Variants in SOX6 observed in about 807,000 individuals in gnomAD.
The protein encoded by SOX6 is SRY-box transcription factor 6, also known as transcription factor SOX-6.
SOX6 carries 11 observed loss-of-function variants against 97.8 expected under a neutral mutation model. The observed-to-expected ratio is 0.11, with a 90% CI of 0.07 to 0.19. The LOEUF is 0.19. Ranked by LOEUF, SOX6 falls within the 10% of genes least tolerant of loss-of-function variation. The pLI is 1.00. For missense variants in SOX6, 810 were observed against 1,039.5 expected (o/e 0.78, Z 3.04); for synonymous variants, 360 against 371.4 (o/e 0.97, Z 0.35).
At chr11:16,117,822 G>T (rs1445553244) in intron 6 of SOX6, among the ~76,000 whole-genome samples, 1 of 152,106 alleles carries the variant, frequency 6.6e-6, no homozygotes, top group Non-Finnish European at 1.5e-5. Context: ...TTGGTGACAT[G>T]CCAGGAAAGG....
rs116202397 is a variant in SOX6 at position 16,485,230 on chromosome 11, A to G, written n.610-8842T>C. Among the ~76,000 whole-genome samples the G allele has an allele frequency of 8.5e-3, 1,293 of 152,308 alleles. 21 individuals are homozygous for G. Among genetic ancestry groups the G allele is most frequent in the African/African-American group, 0.028 (1,179 of 41,572 alleles). On this transcript the variant is annotated intron_variant and non_coding_transcript_variant, in intron 4 of 5. Coordinates refer to the SOX6 transcript ENST00000524520. ...TACTGCTCTCCTGAAAGAATAATTC[A>G]ATAAGAGCTATCTATGAACAAAGGT...
intron 12 of SOX6, among the ~76,000 whole-genome samples, chr11:16,045,673 T>G (rs914720386): frequency 3.3e-5 from 5 of 152,120 alleles, no homozygotes; most frequent in African/African-American, 1.2e-4. Context: ...GCTGGTCTAA[T>G]CCTCCAAGGG....
At chr11:16,136,210 G>C (rs1208566101) in intron 6 of SOX6, among the ~76,000 whole-genome samples, 1 of 151,832 alleles carries the variant, frequency 6.6e-6, no homozygotes, top group Admixed American at 6.6e-5. Flanking sequence ...AGTAGAGACG[G>C]GGTTTCACCA....
At position 16,610,164 on chromosome 11, in the gene SOX6, C is replaced by T. The variant is rs750743849; in HGVS notation, n.609+1917G>A. The stretch of plus-strand genomic sequence containing the variant: ...CACTCCTCAGCTGTCTGCCCTGGAA[C>T]TCAACAACAAGGGCCATAAAACCTC... On this transcript the variant is annotated intron_variant and non_coding_transcript_variant, in intron 4 of 5. Transcript: ENST00000524520. The surrounding 1 kb of genome is among the most constrained non-coding windows in gnomAD (Gnocchi z 4.4). Among the ~76,000 whole-genome samples the T allele has an allele frequency of 2.0e-5, 3 of 152,166 alleles. No homozygotes were observed. Among genetic ancestry groups the T allele is most frequent in the Non-Finnish European group, 4.4e-5 (3 of 68,026 alleles).
At chr11:16,129,898 T>C (rs953802002) in intron 6 of SOX6, among the ~76,000 whole-genome samples, 4 of 152,012 alleles carry the variant, frequency 2.6e-5, no homozygotes, top group African/African-American at 9.7e-5. Context: ...TCAGACAAAA[T>C]AGGCAATAAT....
chr11:16,231,178 G>A (rs1852837444), intron 4 of SOX6, among the ~76,000 whole-genome samples: 1 of 151,596 alleles, frequency 6.6e-6, no homozygotes. Flanking sequence ...AGAAGGGATG[G>A]AAAGATTGAC....
rs1402666175 is a variant in SOX6 at position 16,356,446 on chromosome 11, T to C, written c.-357A>G. On this transcript the variant is annotated 5_prime_UTR_variant, in exon 1 of 16. Coordinates refer to ENST00000683767, the MANE Select transcript of SOX6 (RefSeq NM_001367873.1). ...TACCTTCTGCCACTGCTGCTACAGT[T>C]AAGCAAACTTTACAAGCTAGTCAAG... Among the ~76,000 whole-genome samples the C allele has an allele frequency of 6.6e-6, 1 of 152,092 alleles. No individual in the cohort carries two copies. Among genetic ancestry groups the C allele is most frequent in the Non-Finnish European group, 1.5e-5 (1 of 67,996 alleles).
At chr11:16,686,295 T>C (rs1018123597) in intron 3 of SOX6, among the ~76,000 whole-genome samples, 1 of 152,226 alleles carries the variant, frequency 6.6e-6, no homozygotes. Flanking sequence ...GCCACAAATA[T>C]TCCAAATCTT....
chr11:16,626,744 G>A (rs117708870), intron 3 of SOX6, among the ~76,000 whole-genome samples: 2 of 152,036 alleles, frequency 1.3e-5, no homozygotes, highest in East Asian at 1.9e-4. Flanking sequence ...CAATGCAGAG[G>A]TCTTAATCAT....
intron 6 of SOX6, among the ~76,000 whole-genome samples, chr11:16,145,089 C>A (rs1850255800): frequency 6.6e-6 from 1 of 152,144 alleles, no homozygotes; most frequent in Admixed American, 6.6e-5. Flanking sequence ...AACATCAATG[C>A]AAAAATCCTC....
intron 4 of SOX6, among the ~76,000 whole-genome samples, chr11:16,568,039 G>T (rs1024364085): frequency 5.3e-5 from 8 of 151,894 alleles, no homozygotes; most frequent in Non-Finnish European, 1.0e-4. Flanking sequence ...GCTTTCTGAT[G>T]GTTTATGTAC....
intron 1 of SOX6, among the ~76,000 whole-genome samples, chr11:16,407,723 T>C (rs1858716687): frequency 6.6e-6 from 1 of 152,202 alleles, no homozygotes; most frequent in Non-Finnish European, 1.5e-5. Context: ...CATTCCTTCA[T>C]TTGAGCCAGC....
At chr11:16,680,653 C>T (rs1180296820) in intron 3 of SOX6, among the ~76,000 whole-genome samples, 1 of 152,176 alleles carries the variant, frequency 6.6e-6, no homozygotes, top group Non-Finnish European at 1.5e-5. Context: ...AAATAAAAGA[C>T]ACAGACTGGC....
intron 1 of SOX6, among the ~76,000 whole-genome samples, chr11:16,446,053 T>A (rs962004295): frequency 6.6e-6 from 1 of 152,102 alleles, no homozygotes; most frequent in African/African-American, 2.4e-5. Context: ...AAAGGCAGAA[T>A]AGACGTTATT....
At chr11:16,313,303 AG>A (rs1855662415) in intron 3 of SOX6, 1 of 152,174 alleles carries the variant, frequency 6.6e-6, no homozygotes, top group Non-Finnish European at 1.5e-5. Context: ...AGGGCAAATG[AG>A]GGAGAGGTAT....
At chr11:16,087,645 G>A (rs1175478889) in intron 9 of SOX6, among the ~76,000 whole-genome samples, 1 of 152,066 alleles carries the variant, frequency 6.6e-6, no homozygotes, top group Non-Finnish European at 1.5e-5. Context: ...AGGATAAACA[G>A]TCTAATAGGT....
At chr11:16,135,421 A>G (rs2134029338) in intron 6 of SOX6, among the ~76,000 whole-genome samples, 1 of 152,370 alleles carries the variant, frequency 6.6e-6, no homozygotes. Context: ...TGGATTTGCC[A>G]TTCTAGATGA....
At chr11:16,593,981 A>G (rs2133973959) in intron 4 of SOX6, among the ~76,000 whole-genome samples, 1 of 152,366 alleles carries the variant, frequency 6.6e-6, no homozygotes, top group African/African-American at 2.4e-5. Context: ...ACAGCTCCTG[A>G]TAACATTGAT....
intron 2 of SOX6, among the ~76,000 whole-genome samples, chr11:16,328,962 C>T (rs1856194518): frequency 6.6e-6 from 1 of 152,022 alleles, no homozygotes; most frequent in Non-Finnish European, 1.5e-5. Context: ...TTATTCATGA[C>T]AAAAGTATCA....
Sources: allele counts gnomAD v4.1 joint callset (sites outside exome capture counted in the v4.1 genomes callset), GRCh38; gene constraint gnomAD v4.1.1; non-coding constraint Gnocchi (gnomAD v3.1); transcripts MANE v1.5; gene names NCBI Gene and HGNC (gene_info 2026-07-23, HGNC 2026-07-21).